Variants in COL22A1 observed in about 807,000 individuals in gnomAD.
COL22A1 encodes the protein collagen alpha-1(XXII) chain.
Under a neutral mutation model 248.9 loss-of-function variants are expected in COL22A1, and 221 were observed. The ratio of observed to expected loss-of-function variants is 0.89; its 90% CI spans 0.80 to 0.99. The LOEUF (loss-of-function observed/expected upper bound fraction) is 0.99. Ranked by LOEUF, COL22A1 falls within the 50% of genes least tolerant of loss-of-function variation. The probability of loss-of-function intolerance (pLI) is 0.00; values close to 1 mark genes in which losing one functional copy is unlikely to be tolerated. For synonymous variants in COL22A1, 891 were observed against 793.4 expected (o/e 1.12, Z -2.07); for missense variants, 2,240 against 2,179.0 (o/e 1.03, Z -0.56).
chr8:138,840,052 A>G (rs778919247), intron 4 of COL22A1, among the ~76,000 whole-genome samples: 6 of 152,172 alleles, frequency 3.9e-5, no homozygotes, highest in Non-Finnish European at 5.9e-5. Flanking sequence ...TCCCAGACCC[A>G]GCCCAGATAT....
intron 45 of COL22A1, among the ~76,000 whole-genome samples, chr8:138,651,278 C>T (rs759246738): frequency 1.7e-4 from 26 of 152,146 alleles, no homozygotes; most frequent in Non-Finnish European, 3.5e-4. Flanking sequence ...TTTATTCCAT[C>T]CTCTCTCCAC....
intron 3 of COL22A1, among the ~76,000 whole-genome samples, chr8:138,866,558 C>A (rs985331465): frequency 6.6e-6 from 1 of 152,216 alleles, no homozygotes; most frequent in Non-Finnish European, 1.5e-5. Flanking sequence ...ATGTGAAATG[C>A]AGAGTCTCCA....
intron 7 of COL22A1, among the ~76,000 whole-genome samples, chr8:138,819,361 C>T (rs1484565205): frequency 6.6e-6 from 1 of 151,850 alleles, no homozygotes; most frequent in Non-Finnish European, 1.5e-5. Flanking sequence ...AGTAGTAAAA[C>T]AGGCAAAGGA....
chr8:138,812,979 T>A lies in COL22A1; in HGVS notation c.1286A>T (p.His429Leu), dbSNP rs755141750. 6.2e-7 allele frequency: 1 copy of A among 1,614,056 alleles called. No homozygotes were observed. The highest frequency in any genetic ancestry group is 8.5e-7 in the Non-Finnish European group (1 of 1,179,928). ...ATCACAACAAGTCTCCAATTCTGCG[T>A]GTCTCGAGTCACAATAGATCACAAT... Reference protein sequence around the residue: ...QRIVIYCDSRHAELETCCDIP... With the variant: ...QRIVIYCDSRLAELETCCDIP... The change falls in exon 8 of 65, where the codon CAC becomes CTC. Residue 429 changes from histidine (H) to leucine (L), a missense_variant. Coordinates refer to ENST00000303045, the MANE Select transcript of COL22A1 (RefSeq NM_152888.3).
Position 138,842,918 on chromosome 8 carries a change from C to A in COL22A1, c.733+1166G>T, listed in dbSNP as rs113227702. Among the ~76,000 whole-genome samples, 806 of 152,244 alleles carry A rather than the reference C, an allele frequency of 5.3e-3. 11 individuals are homozygous for A. Among genetic ancestry groups the A allele is most frequent in the African/African-American group, 0.018 (752 of 41,542 alleles). ...GTAGTTTATTGGAGAGGTGCTTGAG[C>A]AGGGAGTAGAGGCAGGATTCAGGGA... On this transcript the variant is annotated intron_variant, in intron 4 of 64. Coordinates refer to ENST00000303045, the MANE Select transcript of COL22A1 (RefSeq NM_152888.3).
At chr8:138,801,922 G>A (rs2131626513) in intron 11 of COL22A1, among the ~76,000 whole-genome samples, 1 of 152,116 alleles carries the variant, frequency 6.6e-6, no homozygotes, top group East Asian at 1.9e-4. Context: ...AGGTCACACG[G>A]CTAATAAAGG....
chr8:138,781,047 G>T, intron 12 of COL22A1, 67 bp from the exon 13 acceptor site: 1 of 1,160,216 alleles, frequency 8.6e-7, no homozygotes, highest in Non-Finnish European at 1.2e-6. Context: ...GAATGCTAGT[G>T]CAGTGGAGAA....
chr8:138,853,318 T>C (rs2131912970), intron 3 of COL22A1, among the ~76,000 whole-genome samples: 1 of 152,324 alleles, frequency 6.6e-6, no homozygotes, highest in East Asian at 1.9e-4. Flanking sequence ...AGCAACTATG[T>C]CAAACCCATA....
At chr8:138,784,928 A>T (rs1017347242) in intron 12 of COL22A1, among the ~76,000 whole-genome samples, 3 of 152,142 alleles carry the variant, frequency 2.0e-5, no homozygotes, top group African/African-American at 7.2e-5. Flanking sequence ...GAACATCTTC[A>T]CAACACTTAA....
At chr8:138,733,511 A>G (rs994803707) in intron 23 of COL22A1, among the ~76,000 whole-genome samples, 1 of 152,196 alleles carries the variant, frequency 6.6e-6, no homozygotes, top group African/African-American at 2.4e-5. Context: ...GGCAGTTATA[A>G]AGAATAGACA....
chr8:138,724,689 C>CCTTGTTAG, intron 24 of COL22A1, 21 bp from the exon 25 acceptor site: 2 of 1,611,464 alleles, frequency 1.2e-6, no homozygotes, highest in Non-Finnish European at 1.7e-6. Flanking sequence ...ACCACATGGA[C>CCTTGTTAG]CCTGTTAGCC....
At chr8:138,719,799 A>C (rs2131125062) in intron 27 of COL22A1, among the ~76,000 whole-genome samples, 1 of 152,266 alleles carries the variant, frequency 6.6e-6, no homozygotes, top group Non-Finnish European at 1.5e-5. Flanking sequence ...TGTGTATCTA[A>C]GCAGTGCTTG....
chr8:138,660,979 C>CACAG (rs1554736319), intron 43 of COL22A1, among the ~76,000 whole-genome samples: 9,775 of 137,770 alleles, frequency 0.071, 366 homozygotes, highest in Non-Finnish European at 0.077. Context: ...CACACATACA[C>CACAG]ACACACATAC....
chr8:138,847,146 G>A (rs1468705418), intron 3 of COL22A1, among the ~76,000 whole-genome samples: 1 of 152,144 alleles, frequency 6.6e-6, no homozygotes, highest in Admixed American at 6.5e-5. Context: ...CCAGGGAGTG[G>A]GAGTCTTCAG....
chr8:138,798,813 G>A (rs2131613639), intron 11 of COL22A1, among the ~76,000 whole-genome samples: 1 of 152,218 alleles, frequency 6.6e-6, no homozygotes, highest in East Asian at 1.9e-4. Context: ...GTTTGTAAGT[G>A]TGTATCTCTT....
At chr8:138,594,303 G>C in intron 62 of COL22A1, 104 bp from the exon 63 acceptor site, 1 of 942,564 alleles carries the variant, frequency 1.1e-6, no homozygotes, top group Non-Finnish European at 1.5e-6. Flanking sequence ...GATAATAGCT[G>C]CAGAAACGGA....
At chr8:138,842,261 T>A (rs1820938632) in intron 4 of COL22A1, among the ~76,000 whole-genome samples, 1 of 152,180 alleles carries the variant, frequency 6.6e-6, no homozygotes, top group African/African-American at 2.4e-5. Context: ...AATGAGGAAA[T>A]GCGTGCAAAC....
At chr8:138,765,867 C>T (rs980522236) in intron 16 of COL22A1, among the ~76,000 whole-genome samples, 2 of 152,188 alleles carry the variant, frequency 1.3e-5, no homozygotes, top group African/African-American at 4.8e-5. Context: ...GAGGAGCCAC[C>T]AGGCTAAGCA....
At chr8:138,592,576 A>G (rs371893134) in intron 63 of COL22A1, among the ~76,000 whole-genome samples, 2 of 152,362 alleles carry the variant, frequency 1.3e-5, no homozygotes, top group African/African-American at 4.8e-5. Flanking sequence ...AGTAGGAGAA[A>G]CATTATAGGA....
Sources: allele counts gnomAD v4.1 joint callset (sites outside exome capture counted in the v4.1 genomes callset), GRCh38; gene constraint gnomAD v4.1.1; transcripts MANE v1.5; gene names NCBI Gene and HGNC (gene_info 2026-07-23, HGNC 2026-07-21).